NT5DC3: variants seen among roughly 807,000 people sequenced by gnomAD.
The protein encoded by NT5DC3 is 5'-nucleotidase domain containing 3, also known as 5'-nucleotidase domain-containing protein 3.
In NT5DC3, 42 loss-of-function variants were observed where a neutral mutation model predicts 67.8. The observed-to-expected ratio is 0.62, with a 90% confidence interval of 0.48 to 0.80. The LOEUF is 0.80. Among genes scored for constraint, NT5DC3 ranks in the 30% least tolerant of loss-of-function variants. The probability of loss-of-function intolerance (pLI) is 0.00; values close to 1 mark genes in which losing one functional copy is unlikely to be tolerated. For missense variants in NT5DC3, 570 were observed against 696.4 expected (o/e 0.82, Z 2.04); for synonymous variants, 237 against 255.6 (o/e 0.93, Z 0.69).
At chr12:103,837,126 G>A (rs190027179) in intron 1 of NT5DC3, among the ~76,000 whole-genome samples, 99 of 152,332 alleles carry the variant, frequency 6.5e-4, no homozygotes, top group Non-Finnish European at 9.3e-4. Flanking sequence ...CGGTGCACCC[G>A]TAGGCTCAAC....
At chr12:103,767,473 G>A (rs566880741), downstream of NT5DC3, among the ~76,000 whole-genome samples, 1 of 152,264 alleles carries the variant, frequency 6.6e-6, no homozygotes, top group East Asian at 1.9e-4. Context: ...CGATAGCAGT[G>A]ACGGTCGTAC....
At chr12:103,840,165 C>A (rs943316109) in intron 1 of NT5DC3, among the ~76,000 whole-genome samples, 3 of 152,158 alleles carry the variant, frequency 2.0e-5, no homozygotes, top group Non-Finnish European at 4.4e-5. Context: ...GTGGAACCTC[C>A]TTCGTAGATT....
At chr12:103,748,926 G>C in the NT5DC3 span, 1 of 1,587,296 alleles carries the variant, frequency 6.3e-7, no homozygotes. Flanking sequence ...TTCCACAGAA[G>C]GTGGTAAGTT....
At chr12:103,791,354 A>C (rs934843) in intron 9 of NT5DC3, among the ~76,000 whole-genome samples, 1 of 151,754 alleles carries the variant, frequency 6.6e-6, no homozygotes. Flanking sequence ...TGAGGGCATC[A>C]TATCAGCTAC....
chr12:103,818,200 C>G (rs1887343001), intron 1 of NT5DC3, among the ~76,000 whole-genome samples: 1 of 152,154 alleles, frequency 6.6e-6, no homozygotes, highest in African/African-American at 2.4e-5. Context: ...GCCTTTATAT[C>G]CCTACACAGA....
chr12:103,790,314 C>T (rs1322256002), intron 9 of NT5DC3, among the ~76,000 whole-genome samples: 2 of 151,952 alleles, frequency 1.3e-5, no homozygotes, highest in African/African-American at 4.8e-5. Flanking sequence ...CCCACTCTGT[C>T]GCCCAGGCTG....
the NT5DC3 span, chr12:103,746,516 A>T: frequency 1.5e-6 from 2 of 1,315,156 alleles, no homozygotes; most frequent in African/African-American, 1.5e-5. Context: ...TCGTCCAGAG[A>T]GAGTCTTGGA....
intron 2 of NT5DC3, among the ~76,000 whole-genome samples, chr12:103,808,463 G>A (rs765436523): frequency 5.3e-5 from 8 of 152,168 alleles, no homozygotes; most frequent in South Asian, 4.1e-4. Context: ...ATGGCTGAGC[G>A]GCTAATATTT....
At chr12:103,793,541 G>T (rs763256907) in intron 7 of NT5DC3, 29 bp from the exon 8 acceptor site, 27 of 1,473,638 alleles carry the variant, frequency 1.8e-5, no homozygotes, top group Non-Finnish European at 2.5e-5. Flanking sequence ...TTCACACACA[G>T]ATTCAGCATG....
chr12:103,794,031 A>C, intron 6 of NT5DC3, 34 bp from the exon 7 acceptor site: 1 of 1,548,444 alleles, frequency 6.5e-7, no homozygotes, highest in Non-Finnish European at 8.9e-7. Context: ...CAGCGAAAAT[A>C]CAACTGAGAT....
intron 5 of NT5DC3, 33 bp downstream of exon 5, chr12:103,798,554 G>C (rs1251649174): frequency 6.8e-7 from 1 of 1,459,978 alleles, no homozygotes; most frequent in Non-Finnish European, 9.6e-7. Flanking sequence ...AAGGAAAAAG[G>C]CTGCTTTAAA....
At chr12:103,785,169 G>T (rs927313783) in intron 12 of NT5DC3, among the ~76,000 whole-genome samples, 166 bp downstream of exon 12, 6 of 152,174 alleles carry the variant, frequency 3.9e-5, no homozygotes, top group South Asian at 2.1e-4. Context: ...ATTAACAAAG[G>T]CCCCACAAAC....
chr12:103,812,587 G>A (rs1412938951), intron 2 of NT5DC3, among the ~76,000 whole-genome samples: 2 of 151,672 alleles, frequency 1.3e-5, no homozygotes, highest in African/African-American at 4.9e-5. Context: ...TATTTTATTT[G>A]CATCTGAACA....
At chr12:103,780,049 C>A (rs970200751) in intron 13 of NT5DC3, among the ~76,000 whole-genome samples, 1 of 152,204 alleles carries the variant, frequency 6.6e-6, no homozygotes, top group African/African-American at 2.4e-5. Flanking sequence ...GATGGGAAGG[C>A]TCCGTTCTCC....
At chr12:103,751,057 G>A in the NT5DC3 span, among the ~76,000 whole-genome samples, 30,105 of 152,210 alleles carry the variant, frequency 0.2, 3,341 homozygotes, top group Non-Finnish European at 0.25. Context: ...GAAACCCAAC[G>A]GAGGAAGCCA....
chr12:103,803,637 AC>A (rs1290019315), intron 4 of NT5DC3, among the ~76,000 whole-genome samples: 3 of 151,202 alleles, frequency 2.0e-5, no homozygotes, highest in African/African-American at 7.3e-5. Flanking sequence ...CCCACCCTCC[AC>A]CCTCCAGTAG....
At chr12:103,753,816 G>A in the NT5DC3 span, among the ~76,000 whole-genome samples, 4 of 152,284 alleles carry the variant, frequency 2.6e-5, no homozygotes, top group East Asian at 1.9e-4. Context: ...CAATACCCAC[G>A]AGCCTAGGGT....
At position 103,774,684 on chromosome 12, in the gene NT5DC3, C is replaced by CAAAAAAAA. The variant is rs762200303; in HGVS notation, c.*3137_*3144dup. On this transcript the variant is annotated 3_prime_UTR_variant, in exon 14 of 14. Transcript: ENST00000392876. ...GGGCAAAAAGAGCAAAACTAAATCTCAAAAAAAAAAAAAAAAAAAAAGAGA... is the reference window on the plus strand; with the variant it reads ...GGGCAAAAAGAGCAAAACTAAATCTCAAAAAAAAAAAAAAAAAAAAAAAAAAAAAGAGA... 1 of 51,308 alleles carries CAAAAAAAA rather than the reference C, an allele frequency of 1.9e-5. No individual in the cohort carries two copies. Among genetic ancestry groups the CAAAAAAAA allele is most frequent in the African/African-American group, 7.2e-5 (1 of 13,934 alleles). 3.2% of individuals were successfully genotyped at this position (51,308 alleles called of 1,614,324 possible). A position where few individuals can be genotyped will look rare whatever the true frequency, so the allele number is the denominator to read the frequency against.
intron 12 of NT5DC3, among the ~76,000 whole-genome samples, chr12:103,784,374 T>A (rs140112093): frequency 6.6e-6 from 1 of 152,224 alleles, no homozygotes; most frequent in African/African-American, 2.4e-5. Flanking sequence ...CAGGGCCCCA[T>A]GCTCTGGAAT....
Sources: allele counts gnomAD v4.1 joint callset (sites outside exome capture counted in the v4.1 genomes callset), GRCh38; gene constraint gnomAD v4.1.1; transcripts MANE v1.5; gene names NCBI Gene and HGNC (gene_info 2026-07-23, HGNC 2026-07-21).